The following WASF3 variants were observed in gnomAD, a reference collection of about 807,000 sequenced individuals.
WASF3 encodes WASP family member 3, also known as actin-binding protein WASF3.
A neutral mutation model predicts 46.6 loss-of-function variants in WASF3; 11 were observed. The observed-to-expected ratio is 0.24, with a 90% confidence interval of 0.15 to 0.39. The LOEUF is 0.39. WASF3 is among the 10% of genes least tolerant of loss of function. The pLI, the probability that WASF3 is intolerant of heterozygous loss-of-function variation, is 1.00. For synonymous variants in WASF3, 242 were observed against 259.7 expected, an observed-to-expected ratio of 0.93 and a Z score of 0.65; for missense variants, 576 against 669.8, an observed-to-expected ratio of 0.86 and a Z score of 1.55.
At chr13:26,547,557 C>T in the WASF3 span, among the ~76,000 whole-genome samples, 31 of 152,232 alleles carry the variant, frequency 2.0e-4, no homozygotes, top group South Asian at 6.4e-3. Flanking sequence ...CTTTGCTTGG[C>T]CTTACTGATT....
At chr13:26,543,688 G>A in the WASF3 span, among the ~76,000 whole-genome samples, 2 of 152,040 alleles carry the variant, frequency 1.3e-5, no homozygotes, top group African/African-American at 2.4e-5. Context: ...TCATGGCCAC[G>A]TGTCTGTAGC....
At chr13:26,554,593 A>C (rs772250076), upstream of WASF3, among the ~76,000 whole-genome samples, 9 of 152,232 alleles carry the variant, frequency 5.9e-5, no homozygotes, top group Non-Finnish European at 1.0e-4. Context: ...TATTCTGTTA[A>C]CTATGGTTCC....
the WASF3 span, among the ~76,000 whole-genome samples, chr13:26,542,401 C>G: frequency 6.6e-6 from 1 of 152,192 alleles, no homozygotes; most frequent in Non-Finnish European, 1.5e-5. Flanking sequence ...AGGAGCTGTG[C>G]AAAGCTGTGC....
chr13:26,625,591 G>A (rs989520511), intron 2 of WASF3, among the ~76,000 whole-genome samples: 2 of 152,146 alleles, frequency 1.3e-5, no homozygotes, highest in African/African-American at 4.8e-5. Context: ...TTCTGTTCAG[G>A]TTCTCAGTGG....
Position 26,657,075 on chromosome 13 carries a change from C to T in WASF3, c.134-7953C>T, listed in dbSNP as rs1831466. 3.8e-3 allele frequency among the ~76,000 whole-genome samples: 575 copies of T among 152,040 alleles called. 4 individuals are homozygous for T. The highest frequency in any genetic ancestry group is 0.013 in the African/African-American group (543 of 41,452). On this transcript the variant is annotated intron_variant, in intron 3 of 9. Transcript: ENST00000335327. Reference sequence around the variant, plus strand: ...GTATATACAACAGAGGGTTGAATTACGACCAGAAGGGGGAACTTGTGAGAC... The same window carrying T: ...GTATATACAACAGAGGGTTGAATTATGACCAGAAGGGGGAACTTGTGAGAC...
the WASF3 span, among the ~76,000 whole-genome samples, chr13:26,545,143 G>A: frequency 1.3e-5 from 2 of 152,166 alleles, no homozygotes; most frequent in Admixed American, 6.5e-5. Context: ...GGAAACCAGA[G>A]GCAACCCAGG....
At chr13:26,553,795 C>T (rs565387916), upstream of WASF3, among the ~76,000 whole-genome samples, 85 of 144,772 alleles carry the variant, frequency 5.9e-4, 1 homozygote, top group African/African-American at 1.6e-3. Flanking sequence ...CCAGCCTGGG[C>T]GACAGAGCGA....
upstream of WASF3, among the ~76,000 whole-genome samples, chr13:26,554,976 C>T (rs749929875): frequency 2.0e-5 from 3 of 152,128 alleles, no homozygotes; most frequent in Non-Finnish European, 2.9e-5. Context: ...CCAAAGTGGT[C>T]GTACCATTTT....
intron 2 of WASF3, among the ~76,000 whole-genome samples, chr13:26,635,133 G>A (rs1237241689): frequency 3.9e-5 from 6 of 152,170 alleles, no homozygotes; most frequent in Non-Finnish European, 5.9e-5. Context: ...CCAGTCAAAC[G>A]TAGATTTGGT....
At chr13:26,566,425 T>G (rs1325774051) in intron 1 of WASF3, among the ~76,000 whole-genome samples, 2 of 152,202 alleles carry the variant, frequency 1.3e-5, no homozygotes, top group Non-Finnish European at 2.9e-5. Context: ...CAGAAATGAA[T>G]ACATCAAAAC....
chr13:26,585,366 A>C (rs1056899763), intron 1 of WASF3, among the ~76,000 whole-genome samples: 1 of 152,184 alleles, frequency 6.6e-6, no homozygotes, highest in African/African-American at 2.4e-5. Context: ...GGGTTGAATC[A>C]CTTAGGTATG....
the WASF3 span, among the ~76,000 whole-genome samples, chr13:26,548,543 C>G: frequency 6.6e-6 from 1 of 152,188 alleles, no homozygotes; most frequent in Non-Finnish European, 1.5e-5. Context: ...ACAAAGTACA[C>G]AGAAGCTCTG....
intron 1 of WASF3, among the ~76,000 whole-genome samples, chr13:26,569,172 A>G (rs1323502970): frequency 1.3e-5 from 2 of 152,196 alleles, no homozygotes; most frequent in Non-Finnish European, 1.5e-5. Context: ...TAAAATCACA[A>G]TCATAGAGGA....
chr13:26,673,980 G>T (rs143479384), intron 6 of WASF3, among the ~76,000 whole-genome samples: 1 of 152,218 alleles, frequency 6.6e-6, no homozygotes, highest in African/African-American at 2.4e-5. Flanking sequence ...AGAGGTGTGG[G>T]GGGCAGATGA....
chr13:26,579,027 G>T (rs1879894150), intron 1 of WASF3, among the ~76,000 whole-genome samples: 2 of 70,620 alleles, frequency 2.8e-5, no homozygotes, highest in Admixed American at 1.6e-4. Context: ...GTGGGTCAGG[G>T]TCTTGCTCTG....
the WASF3 span, among the ~76,000 whole-genome samples, chr13:26,542,132 C>A: frequency 6.6e-6 from 1 of 152,202 alleles, no homozygotes; most frequent in Non-Finnish European, 1.5e-5. Context: ...TTTACTGCTT[C>A]AAAGGAATTA....
At chr13:26,655,099 G>A (rs1483949870) in intron 3 of WASF3, among the ~76,000 whole-genome samples, 1 of 152,014 alleles carries the variant, frequency 6.6e-6, no homozygotes, top group East Asian at 1.9e-4. Context: ...CTTTTTCTCA[G>A]ACTTCTCTTC....
At chr13:26,645,354 G>T (rs1482840409) in intron 3 of WASF3, among the ~76,000 whole-genome samples, 1 of 152,156 alleles carries the variant, frequency 6.6e-6, no homozygotes, top group Non-Finnish European at 1.5e-5. Flanking sequence ...GGAATTCCCA[G>T]CCTCCAGAAC....
chr13:26,675,006 G>A (rs1371153972), intron 6 of WASF3, among the ~76,000 whole-genome samples: 1 of 152,096 alleles, frequency 6.6e-6, no homozygotes, highest in Non-Finnish European at 1.5e-5. Flanking sequence ...GTGGATCCAT[G>A]CCTAAAGCCT....
Sources: allele counts gnomAD v4.1 joint callset (sites outside exome capture counted in the v4.1 genomes callset), GRCh38; gene constraint gnomAD v4.1.1; transcripts MANE v1.5; gene names NCBI Gene and HGNC (gene_info 2026-07-23, HGNC 2026-07-21).